Variants in CHCHD6 observed in about 807,000 individuals in gnomAD.
CHCHD6 encodes the protein MICOS complex subunit MIC25.
CHCHD6 carries 28 observed loss-of-function variants against 32.3 expected under a neutral mutation model. That is an observed-to-expected ratio of 0.87 (90% CI 0.64 to 1.19). CHCHD6 has a LOEUF of 1.19. CHCHD6 is among the 50% of genes most tolerant of loss of function. CHCHD6 has a pLI of 0.00. For missense variants in CHCHD6, 333 were observed against 307.0 expected, an observed-to-expected ratio of 1.08 and a Z score of -0.63; for synonymous variants, 122 against 117.5, an observed-to-expected ratio of 1.04 and a Z score of -0.25.
intron 6 of CHCHD6, among the ~76,000 whole-genome samples, chr3:126,939,025 G>A (rs1012105907): frequency 6.6e-6 from 1 of 152,226 alleles, no homozygotes; most frequent in Non-Finnish European, 1.5e-5. Flanking sequence ...AAACCTTGAA[G>A]CACTTTGGGT....
intron 4 of CHCHD6, chr3:126,766,967 G>T: frequency 2.1e-6 from 2 of 956,528 alleles, no homozygotes; most frequent in Non-Finnish European, 3.4e-6. Context: ...TCCAGGACCA[G>T]TGTGTGGTTA....
intron 5 of CHCHD6, among the ~76,000 whole-genome samples, chr3:126,868,431 G>A (rs918494478): frequency 2.6e-5 from 4 of 151,656 alleles, no homozygotes; most frequent in African/African-American, 7.3e-5. Context: ...CCATGGGGCA[G>A]CATTGCTTTT....
At chr3:126,957,295 G>A in intron 6 of CHCHD6, 121 bp from the exon 7 acceptor site, 1 of 1,086,744 alleles carries the variant, frequency 9.2e-7, no homozygotes, top group South Asian at 1.4e-5. Flanking sequence ...TTAAAAGGAT[G>A]CTGCTGGGTG....
chr3:126,856,980 G>T (rs1353381582), intron 5 of CHCHD6, among the ~76,000 whole-genome samples: 1 of 152,220 alleles, frequency 6.6e-6, no homozygotes, highest in Admixed American at 6.5e-5. Flanking sequence ...GGTAGTTTGT[G>T]TAAAGCAACC....
chr3:126,918,607 C>A (rs2060146), intron 6 of CHCHD6, among the ~76,000 whole-genome samples: 87,212 of 152,098 alleles, frequency 0.57, 26,318 homozygotes, highest in Non-Finnish European at 0.67. Flanking sequence ...GCATTTTAAA[C>A]AGCTGGATTA....
rs375876767 is a variant in CHCHD6 at position 126,832,303 on chromosome 3, T to C, written c.412-20344T>C. ...CTGTTGAATGAATATCTCCTGTCTC[T>C]TCCTCTCTCCAGAACCTTACTGCCT... On this transcript the variant is annotated intron_variant, in intron 4 of 7. Transcript: ENST00000290913. Among the ~76,000 whole-genome samples the C allele has an allele frequency of 1.6e-4, 25 of 152,316 alleles. 1 individual carries two copies. The South Asian group carries it at 4.6e-3, about 28-fold the overall frequency.
rs79250279 is a variant in CHCHD6, at chr3:126,917,318, A to G, written c.566+2568A>G. 5.7e-3 allele frequency among the ~76,000 whole-genome samples: 872 copies of G among 152,332 alleles called. 10 individuals carry two copies. The highest frequency in any genetic ancestry group is 0.02 in the African/African-American group (837 of 41,576). ...AATAACTCCTTTTGTCCGTGGTCAC[A>G]GCTGGTTCTGTGGCAGGGCTGGGGT... On this transcript the variant is annotated intron_variant, in intron 6 of 7. Coordinates refer to ENST00000290913, the MANE Select transcript of CHCHD6 (RefSeq NM_032343.3).
chr3:126,767,254 A>T, intron 4 of CHCHD6: 4 of 1,408,506 alleles, frequency 2.8e-6, no homozygotes, highest in Non-Finnish European at 4.0e-6. Flanking sequence ...GGCTGGGGAT[A>T]GTGTCTGTCA....
chr3:126,858,265 C>T (rs968073823), intron 5 of CHCHD6, among the ~76,000 whole-genome samples: 7 of 116,386 alleles, frequency 6.0e-5, no homozygotes, highest in Admixed American at 2.3e-4. Flanking sequence ...CCTTTGGGGG[C>T]AGCAGTGACT....
Position 126,854,357 on chromosome 3 carries a change from TA to T in CHCHD6, c.495+1637del, listed in dbSNP as rs777162185. On this transcript the variant is annotated intron_variant, in intron 5 of 7. Transcript: ENST00000290913. ...AAACACAGCATTTTGCTGGTGATAA[TA>T]AAAAAAAAAGGAGAGCACCTCCAAC... Among the ~76,000 whole-genome samples the T allele has an allele frequency of 3.4e-4, 49 of 145,286 alleles. No individual in the cohort carries two copies. In the East Asian group the frequency reaches 3.6e-3, roughly 11 times the overall value.
At chr3:126,900,089 G>A (rs886405211) in intron 5 of CHCHD6, among the ~76,000 whole-genome samples, 1 of 152,128 alleles carries the variant, frequency 6.6e-6, no homozygotes, top group Non-Finnish European at 1.5e-5. Context: ...AAAAGTATTG[G>A]GCTTTTTTGC....
At position 126,865,691 on chromosome 3, in the gene CHCHD6, C is replaced by T. The variant is rs532836402; in HGVS notation, c.495+12961C>T. ...CCCTCACTGCCCCCACTTCCATTACCACCACATATTACCCTCTTCCCTGAG... is the reference window on the plus strand; with the variant it reads ...CCCTCACTGCCCCCACTTCCATTACTACCACATATTACCCTCTTCCCTGAG... On this transcript the variant is annotated intron_variant, in intron 5 of 7. Coordinates refer to ENST00000290913, the MANE Select transcript of CHCHD6 (RefSeq NM_032343.3). 5.7e-5 allele frequency: 56 copies of T among 985,364 alleles called. No homozygotes were observed. In the African/African-American group the frequency reaches 9.1e-4, roughly 16 times the overall value. The allele number at this position is 985,364 out of a possible 1,614,324, so 61.0% of individuals were successfully genotyped here. A position where few individuals can be genotyped will look rare whatever the true frequency, so the allele number is the denominator to read the frequency against.
intron 4 of CHCHD6, among the ~76,000 whole-genome samples, chr3:126,806,942 G>A (rs1013120970): frequency 1.3e-4 from 20 of 150,394 alleles, no homozygotes; most frequent in Admixed American, 2.0e-4. Flanking sequence ...GTAAGCTATC[G>A]CAAGGACAAA....
chr3:126,912,833 C>T (rs2078110881), intron 5 of CHCHD6, among the ~76,000 whole-genome samples: 1 of 152,230 alleles, frequency 6.6e-6, no homozygotes, highest in Admixed American at 6.5e-5. Flanking sequence ...AGAGGGGGGC[C>T]TGGTTTCCAT....
intron 5 of CHCHD6, among the ~76,000 whole-genome samples, chr3:126,876,990 C>T (rs970091394): frequency 6.6e-6 from 1 of 152,074 alleles, no homozygotes; most frequent in African/African-American, 2.4e-5. Context: ...GGAGGAGCAT[C>T]TAGATCATGA....
chr3:126,788,958 T>G (rs1938378201), intron 4 of CHCHD6, among the ~76,000 whole-genome samples: 1 of 152,218 alleles, frequency 6.6e-6, no homozygotes. Flanking sequence ...TGTGGGCATT[T>G]AGTGCTATAA....
chr3:126,843,962 A>G (rs975713098), intron 4 of CHCHD6, among the ~76,000 whole-genome samples: 2 of 152,136 alleles, frequency 1.3e-5, no homozygotes, highest in African/African-American at 4.8e-5. Context: ...TTCCAAGTCT[A>G]TTTTTAGGAA....
At chr3:126,934,552 T>G (rs1314321723) in intron 6 of CHCHD6, among the ~76,000 whole-genome samples, 1 of 134,516 alleles carries the variant, frequency 7.4e-6, no homozygotes, top group East Asian at 2.2e-4. Context: ...TTTTTTTTTT[T>G]TTTTTTTTTT....
chr3:126,705,107 C>T (rs1253699712), intron 1 of CHCHD6, among the ~76,000 whole-genome samples: 1 of 152,214 alleles, frequency 6.6e-6, no homozygotes, highest in South Asian at 2.1e-4. Flanking sequence ...TGTTCTCTCT[C>T]CTTCAGCTCT....
Sources: gnomAD v4.1 joint callset for allele counts (sites outside exome capture counted in the v4.1 genomes callset) on GRCh38, gnomAD v4.1.1 for gene constraint, MANE v1.5 for transcripts, NCBI Gene and HGNC (gene_info 2026-07-23, HGNC 2026-07-21) for gene names.